The following PARD3 variants were observed in gnomAD, a reference collection of about 807,000 sequenced individuals.
The protein encoded by PARD3 is par-3 family cell polarity regulator, also known as partitioning defective 3 homolog.
Under a neutral mutation model 155.4 loss-of-function variants are expected in PARD3, and 75 were observed. The observed-to-expected ratio is 0.48, with a 90% confidence interval of 0.40 to 0.58. PARD3 has a LOEUF of 0.58. Ranked by LOEUF, PARD3 falls within the 20% of genes least tolerant of loss-of-function variation. PARD3 has a pLI of 0.00. For synonymous variants in PARD3, 576 were observed against 610.5 expected, an observed-to-expected ratio of 0.94 and a Z score of 0.83; for missense variants, 1,642 against 1,721.7, an observed-to-expected ratio of 0.95 and a Z score of 0.82.
At chr10:34,792,122 G>A (rs1311515761) in intron 1 of PARD3, among the ~76,000 whole-genome samples, 3 of 152,130 alleles carry the variant, frequency 2.0e-5, no homozygotes, top group Admixed American at 6.5e-5. Context: ...GCGCCCACGT[G>A]CTTGCCCCGG....
At chr10:34,406,687 T>G (rs1467444121) in intron 5 of PARD3, among the ~76,000 whole-genome samples, 1 of 152,036 alleles carries the variant, frequency 6.6e-6, no homozygotes. Flanking sequence ...ACCTCCTCCC[T>G]GGGCTCAGGT....
intron 2 of PARD3, among the ~76,000 whole-genome samples, chr10:34,616,044 C>CA (rs993566635): frequency 1.3e-5 from 2 of 152,058 alleles, no homozygotes; most frequent in African/African-American, 4.8e-5. Flanking sequence ...GAAGTTTCTT[C>CA]AAAAAATAAA....
intron 20 of PARD3, among the ~76,000 whole-genome samples, chr10:34,307,432 C>G (rs994501728): frequency 9.2e-5 from 14 of 152,240 alleles, no homozygotes; most frequent in African/African-American, 3.1e-4. Flanking sequence ...TGCTGCCTCT[C>G]GACCTGAAAT....
chr10:34,153,793 C>T (rs1588951330), intron 22 of PARD3, among the ~76,000 whole-genome samples: 2 of 152,166 alleles, frequency 1.3e-5, no homozygotes, highest in Non-Finnish European at 2.9e-5. Context: ...ATAAATAAGG[C>T]TTTTAGTGTT....
chr10:34,125,239 G>A (rs1012518879), intron 23 of PARD3, among the ~76,000 whole-genome samples: 1 of 151,958 alleles, frequency 6.6e-6, no homozygotes, highest in African/African-American at 2.4e-5. Context: ...GCTAATTTTT[G>A]TATTTTTAGT....
chr10:34,605,247 C>T (rs537117677), intron 2 of PARD3, among the ~76,000 whole-genome samples: 39 of 119,366 alleles, frequency 3.3e-4, no homozygotes, highest in African/African-American at 1.2e-3. Flanking sequence ...GGCTGGAGTG[C>T]AGTGGTGCAA....
chr10:34,167,220 C>G (rs906508122), intron 22 of PARD3, among the ~76,000 whole-genome samples: 1 of 152,116 alleles, frequency 6.6e-6, no homozygotes, highest in African/African-American at 2.4e-5. Flanking sequence ...ATAGACCTTA[C>G]CTCCAAAAAG....
intron 1 of PARD3, among the ~76,000 whole-genome samples, chr10:34,735,448 A>G (rs564041441): frequency 6.6e-6 from 1 of 152,316 alleles, no homozygotes; most frequent in African/African-American, 2.4e-5. Context: ...TTCTGACTCA[A>G]TCTGACATTG....
rs141890301 is a variant in PARD3, at chr10:34,133,514, C to T, written c.3420-1931G>A. 3.9e-3 allele frequency among the ~76,000 whole-genome samples: 594 copies of T among 152,326 alleles called. 5 individuals carry two copies. The highest frequency in any genetic ancestry group is 0.014 in the African/African-American group (572 of 41,556). On this transcript the variant is annotated intron_variant, in intron 22 of 24. Transcript: ENST00000374788. ...CCACATCTTCTTCTTATCATATATA[C>T]CCTCCAAGCTGCTAGCAGAATGGAA...
At chr10:34,524,854 T>C (rs1013745867) in intron 2 of PARD3, among the ~76,000 whole-genome samples, 1 of 152,208 alleles carries the variant, frequency 6.6e-6, no homozygotes, top group Admixed American at 6.5e-5. Flanking sequence ...CATGCAGTGT[T>C]CCCTCAAAGA....
intron 3 of PARD3, among the ~76,000 whole-genome samples, chr10:34,513,416 G>A (rs555601136): frequency 4.2e-4 from 64 of 152,260 alleles, no homozygotes; most frequent in African/African-American, 1.4e-3. Context: ...GAGTAGCTGG[G>A]ACTACAGGCG....
intron 2 of PARD3, among the ~76,000 whole-genome samples, chr10:34,520,827 A>C (rs1479461083): frequency 6.6e-6 from 1 of 152,204 alleles, no homozygotes; most frequent in Non-Finnish European, 1.5e-5. Flanking sequence ...TTGAGCAATA[A>C]AACTAAAAGT....
intron 23 of PARD3, among the ~76,000 whole-genome samples, chr10:34,125,006 A>G (rs1588853648): frequency 6.6e-6 from 1 of 151,930 alleles, no homozygotes; most frequent in South Asian, 2.1e-4. Flanking sequence ...GCGACAGTAC[A>G]GAGGCTCTCT....
At chr10:34,493,555 A>T (rs1189507873) in intron 3 of PARD3, among the ~76,000 whole-genome samples, 2 of 152,038 alleles carry the variant, frequency 1.3e-5, no homozygotes, top group Non-Finnish European at 2.9e-5. Context: ...AACATGGTAA[A>T]ACCCCATCTC....
At chr10:34,252,021 G>A (rs951655685) in intron 22 of PARD3, among the ~76,000 whole-genome samples, 2 of 152,148 alleles carry the variant, frequency 1.3e-5, no homozygotes, top group Non-Finnish European at 2.9e-5. Context: ...TGGAGGAGAC[G>A]GATGATAACA....
At position 34,454,839 on chromosome 10, in the gene PARD3, T is replaced by C. The variant is rs549236326; in HGVS notation, c.583-4391A>G. 2.0e-5 allele frequency among the ~76,000 whole-genome samples: 3 copies of C among 152,280 alleles called. No homozygotes were observed. The East Asian group carries it at 5.8e-4, about 29-fold the overall frequency. ...TCAAAAAGCCACTCCGGCTGGGAAATGCATATTAATTTGCTGCTCCCTGGT... is the reference window on the plus strand; with the variant it reads ...TCAAAAAGCCACTCCGGCTGGGAAACGCATATTAATTTGCTGCTCCCTGGT... On this transcript the variant is annotated intron_variant, in intron 4 of 24. Transcript: ENST00000374788.
intron 3 of PARD3, among the ~76,000 whole-genome samples, chr10:34,483,061 C>A (rs1395072652): frequency 6.6e-6 from 1 of 151,888 alleles, no homozygotes; most frequent in African/African-American, 2.4e-5. Flanking sequence ...GAGGTTGAGG[C>A]AGGAGAATAG....
intron 2 of PARD3, among the ~76,000 whole-genome samples, chr10:34,657,004 T>A (rs536871655): frequency 2.6e-5 from 4 of 152,210 alleles, no homozygotes; most frequent in Non-Finnish European, 5.9e-5. Context: ...GCTGTCACAT[T>A]TTCTACTTTT....
rs866053776 is a variant in PARD3 at position 34,382,696 on chromosome 10, T to C, written c.1243A>G (p.Ile415Val). 3 of 1,614,198 alleles carry C rather than the reference T, an allele frequency of 1.9e-6. No homozygotes were observed. Among genetic ancestry groups the C allele is most frequent in the South Asian group, 2.2e-5 (2 of 91,084 alleles). ...TGAGGTAGTCTTGAGTGAGAGTCTA[T>C]CTGCTCAGGCGGGTGGTTCAGTCGG... The part of the protein sequence containing the change: ...APRLNHPPEQ[I>V]DSHSRLPHSA... The change falls in exon 9 of 25, where the codon ATA (isoleucine) becomes GTA (valine). Residue 415 changes from isoleucine (I) to valine (V), a missense_variant. Ile to Val is a conservative substitution (Grantham distance 29). Around this residue, in one of 3 missense-constraint regions of PARD3, gnomAD observed 1,529 missense variants for 1,587.3 expected, o/e 0.96. Coordinates refer to ENST00000374788, the MANE Select transcript of PARD3 (RefSeq NM_001184785.2).
Sources: allele counts gnomAD v4.1 joint callset (sites outside exome capture counted in the v4.1 genomes callset), GRCh38; gene constraint gnomAD v4.1.1; regional missense constraint gnomAD v4.1.1; transcripts MANE v1.5; gene names NCBI Gene and HGNC (gene_info 2026-07-23, HGNC 2026-07-21).